The following SAMD5 variants were observed in gnomAD, a reference collection of about 807,000 sequenced individuals.
SAMD5 encodes sterile alpha motif domain containing 5, also known as sterile alpha motif domain-containing protein 5.
In SAMD5, 13 loss-of-function variants were observed where a neutral mutation model predicts 11.3. That is an observed-to-expected ratio of 1.15 (90% CI 0.75 to 1.83). SAMD5 has a LOEUF of 1.83. Among genes scored for constraint, SAMD5 ranks in the 40% most tolerant of loss-of-function variants. SAMD5 has a pLI of 0.00. For missense variants in SAMD5, 255 were observed against 239.1 expected, an observed-to-expected ratio of 1.07 and a Z score of -0.44; for synonymous variants, 129 against 111.3, an observed-to-expected ratio of 1.16 and a Z score of -1.00.
the SAMD5 span, among the ~76,000 whole-genome samples, chr6:147,924,456 G>A: frequency 1.3e-5 from 2 of 152,028 alleles, no homozygotes; most frequent in Non-Finnish European, 2.9e-5. Context: ...TTTATGGCCT[G>A]TAATCATGTG....
At chr6:147,783,560 AT>A in the SAMD5 span, among the ~76,000 whole-genome samples, 2 of 151,532 alleles carry the variant, frequency 1.3e-5, no homozygotes, top group Non-Finnish European at 1.5e-5. Flanking sequence ...CGCCTGGCTA[AT>A]TTTTTTGTTG....
chr6:147,857,971 C>T, the SAMD5 span, among the ~76,000 whole-genome samples: 1 of 147,990 alleles, frequency 6.8e-6, no homozygotes, highest in Non-Finnish European at 1.5e-5. Context: ...TGATTGTTGC[C>T]TCATCCCCTG....
At chr6:147,915,267 A>C in the SAMD5 span, among the ~76,000 whole-genome samples, 1 of 152,212 alleles carries the variant, frequency 6.6e-6, no homozygotes, top group Admixed American at 6.5e-5. Context: ...ACACCCTCCA[A>C]TAGTTCTGAG....
At chr6:147,735,489 A>G (rs1425021837) in intron 1 of SAMD5, among the ~76,000 whole-genome samples, 1 of 152,164 alleles carries the variant, frequency 6.6e-6, no homozygotes, top group Non-Finnish European at 1.5e-5. Flanking sequence ...TCTCAGCTTC[A>G]AGAGAGAGAG....
the SAMD5 span, among the ~76,000 whole-genome samples, chr6:147,786,650 G>A: frequency 3.2e-4 from 48 of 152,194 alleles, no homozygotes; most frequent in Admixed American, 5.2e-4. Context: ...GAGAACAGCA[G>A]ACTATTAACA....
At chr6:147,626,602 G>A (rs1434170784) in intron 1 of SAMD5, among the ~76,000 whole-genome samples, 1 of 151,110 alleles carries the variant, frequency 6.6e-6, no homozygotes, top group African/African-American at 2.4e-5. Flanking sequence ...AATAATATTG[G>A]TACCTACCTT....
At chr6:147,731,344 A>G (rs188611715) in intron 1 of SAMD5, among the ~76,000 whole-genome samples, 1 of 152,312 alleles carries the variant, frequency 6.6e-6, no homozygotes, top group East Asian at 1.9e-4. Flanking sequence ...TCAGAAGAAC[A>G]TAGAATGCAG....
chr6:147,762,555 T>C, the SAMD5 span, among the ~76,000 whole-genome samples: 1 of 152,186 alleles, frequency 6.6e-6, no homozygotes, highest in African/African-American at 2.4e-5. Context: ...ATGATTTCCT[T>C]AATTAATTGC....
At chr6:147,531,921 T>C (rs1361553755) in intron 1 of SAMD5, among the ~76,000 whole-genome samples, 1 of 152,174 alleles carries the variant, frequency 6.6e-6, no homozygotes, top group African/African-American at 2.4e-5. Context: ...ATACTCAATA[T>C]AATAATTTCT....
chr6:147,548,897 G>A (rs1788725639), intron 1 of SAMD5, among the ~76,000 whole-genome samples: 1 of 152,046 alleles, frequency 6.6e-6, no homozygotes, highest in Non-Finnish European at 1.5e-5. Flanking sequence ...GGAGTATTAT[G>A]TGTCTTAACC....
chr6:147,720,325 C>T (rs770241374), intron 1 of SAMD5, among the ~76,000 whole-genome samples: 54 of 152,080 alleles, frequency 3.6e-4, no homozygotes, highest in Non-Finnish European at 5.3e-4. Flanking sequence ...TAGCCAGGCG[C>T]GATGGCGGGC....
chr6:147,905,817 C>T, the SAMD5 span, among the ~76,000 whole-genome samples: 1 of 152,274 alleles, frequency 6.6e-6, no homozygotes, highest in South Asian at 2.1e-4. Context: ...TTCCAGTATG[C>T]TCAACCAAAT....
intron 1 of SAMD5, among the ~76,000 whole-genome samples, chr6:147,639,678 T>C (rs1265631403): frequency 1.3e-5 from 2 of 152,204 alleles, no homozygotes; most frequent in Non-Finnish European, 2.9e-5. Context: ...GCCTTTCTGA[T>C]TAGGAAGCAT....
At chr6:147,706,000 A>G (rs1035149732) in intron 1 of SAMD5, among the ~76,000 whole-genome samples, 16 of 152,070 alleles carry the variant, frequency 1.1e-4, no homozygotes, top group African/African-American at 3.9e-4. Flanking sequence ...GTTTGTTTCT[A>G]TATTTATTTT....
At chr6:147,732,695 G>T (rs552233109) in intron 1 of SAMD5, among the ~76,000 whole-genome samples, 2 of 152,234 alleles carry the variant, frequency 1.3e-5, no homozygotes, top group South Asian at 4.1e-4. Flanking sequence ...TTGTTCAAGG[G>T]TATTTGTTTT....
At chr6:147,785,464 G>T in the SAMD5 span, among the ~76,000 whole-genome samples, 304 of 152,156 alleles carry the variant, frequency 2.0e-3, no homozygotes, top group African/African-American at 7.0e-3. Flanking sequence ...AACCCTCCTA[G>T]TTCTGTCTAA....
At chr6:147,772,782 A>T in the SAMD5 span, among the ~76,000 whole-genome samples, 1 of 152,204 alleles carries the variant, frequency 6.6e-6, no homozygotes, top group Admixed American at 6.5e-5. Context: ...TCACCTCATT[A>T]AAGGACATAT....
At chr6:147,640,523 GAAT>G (rs1488684575) in intron 1 of SAMD5, among the ~76,000 whole-genome samples, 1 of 74,172 alleles carries the variant, frequency 1.3e-5, no homozygotes, top group African/African-American at 4.9e-5. Context: ...AAAAAAAAAA[GAAT>G]AACAGACATA....
At chr6:147,847,752 C>A in the SAMD5 span, among the ~76,000 whole-genome samples, 1 of 152,146 alleles carries the variant, frequency 6.6e-6, no homozygotes, top group East Asian at 1.9e-4. Context: ...ACTTGGGAGG[C>A]TGAGGCAGGA....
Sources: allele counts gnomAD v4.1 joint callset (sites outside exome capture counted in the v4.1 genomes callset), GRCh38; gene constraint gnomAD v4.1.1; transcripts MANE v1.5; gene names NCBI Gene and HGNC (gene_info 2026-07-23, HGNC 2026-07-21).